Variants in DISC1 observed in about 807,000 individuals in gnomAD.
The protein encoded by DISC1 is DISC1 scaffold protein.
Under a neutral mutation model 84.5 loss-of-function variants are expected in DISC1, and 57 were observed. The ratio of observed to expected loss-of-function variants is 0.67; its 90% CI spans 0.55 to 0.84. The LOEUF is 0.84. Ranked by LOEUF, DISC1 falls within the 40% of genes least tolerant of loss-of-function variation. DISC1 has a pLI of 0.00. For missense variants in DISC1, 1,000 were observed against 1,057.8 expected, an observed-to-expected ratio of 0.95 and a Z score of 0.76; for synonymous variants, 411 against 415.2, an observed-to-expected ratio of 0.99 and a Z score of 0.12.
At chr1:231,899,235 C>T (rs994929453) in intron 9 of DISC1, among the ~76,000 whole-genome samples, 5 of 152,162 alleles carry the variant, frequency 3.3e-5, no homozygotes, top group South Asian at 2.1e-4. Flanking sequence ...TGATAGTATG[C>T]GTCAGAGTCA....
intron 11 of DISC1, among the ~76,000 whole-genome samples, chr1:232,016,040 T>C (rs1668465710): frequency 6.6e-6 from 1 of 152,096 alleles, no homozygotes; most frequent in African/African-American, 2.4e-5. Flanking sequence ...AACCATAGCA[T>C]CTCTATCTCT....
intron 10 of DISC1, among the ~76,000 whole-genome samples, chr1:232,007,973 T>G (rs998717500): frequency 6.6e-6 from 1 of 152,188 alleles, no homozygotes; most frequent in Non-Finnish European, 1.5e-5. Context: ...CCCTGCGTTC[T>G]GCACTTCTCC....
At chr1:231,755,582 A>G (rs549006101) in intron 4 of DISC1, among the ~76,000 whole-genome samples, 2 of 151,894 alleles carry the variant, frequency 1.3e-5, no homozygotes, top group East Asian at 1.9e-4. Flanking sequence ...TATCCTTAAC[A>G]TTACTATCTC....
intron 9 of DISC1, among the ~76,000 whole-genome samples, chr1:231,929,070 C>T (rs985866234): frequency 2.6e-5 from 4 of 152,042 alleles, no homozygotes; most frequent in Non-Finnish European, 4.4e-5. Context: ...ATGTCTATTG[C>T]GTCTGCTTGG....
intron 1 of DISC1, among the ~76,000 whole-genome samples, chr1:231,662,662 A>G (rs1317181426): frequency 1.3e-5 from 2 of 152,228 alleles, no homozygotes; most frequent in Non-Finnish European, 1.5e-5. Context: ...CTCCCTGGAA[A>G]CTCGGACCTA....
At chr1:231,798,922 G>C (rs2078979502) in intron 7 of DISC1, among the ~76,000 whole-genome samples, 1 of 152,078 alleles carries the variant, frequency 6.6e-6, no homozygotes, top group African/African-American at 2.4e-5. Flanking sequence ...ACTGATATAA[G>C]AAAACATTTA....
intron 9 of DISC1, among the ~76,000 whole-genome samples, chr1:231,933,640 A>T (rs1310336352): frequency 6.6e-6 from 1 of 152,162 alleles, no homozygotes; most frequent in Non-Finnish European, 1.5e-5. Context: ...CATATCTCTG[A>T]TTTTTAAAAG....
chr1:232,033,429 A>T (rs1040885745), intron 12 of DISC1, among the ~76,000 whole-genome samples: 1 of 152,092 alleles, frequency 6.6e-6, no homozygotes, highest in Non-Finnish European at 1.5e-5. Flanking sequence ...TTCCGCCCTT[A>T]TCCTCTTTAA....
chr1:231,941,431 G>A (rs200443551), intron 9 of DISC1, among the ~76,000 whole-genome samples: 4 of 151,504 alleles, frequency 2.6e-5, no homozygotes, highest in Admixed American at 6.6e-5. Context: ...TCCAACAAAC[G>A]TGTATGGAGA....
At chr1:231,987,850 G>A (rs574685333) in intron 10 of DISC1, among the ~76,000 whole-genome samples, 44 of 152,296 alleles carry the variant, frequency 2.9e-4, no homozygotes, top group African/African-American at 1.0e-3. Context: ...TTATATGAGT[G>A]CATGTGACTT....
At chr1:231,802,823 T>C (rs910841303) in intron 8 of DISC1, among the ~76,000 whole-genome samples, 4 of 152,170 alleles carry the variant, frequency 2.6e-5, no homozygotes, top group African/African-American at 9.6e-5. Flanking sequence ...GAGTGACTTT[T>C]TTGCCACTAC....
chr1:231,752,304 T>C (rs979636840), intron 4 of DISC1, among the ~76,000 whole-genome samples: 1 of 152,146 alleles, frequency 6.6e-6, no homozygotes, highest in Non-Finnish European at 1.5e-5. Flanking sequence ...CTGCTCAGCT[T>C]CTGGGGAGGC....
chr1:231,704,735 G>C (rs2066831998), intron 3 of DISC1, among the ~76,000 whole-genome samples: 2 of 145,634 alleles, frequency 1.4e-5, no homozygotes, highest in South Asian at 4.3e-4. Context: ...ACTCCAGCCT[G>C]GGCGACAGAG....
intron 6 of DISC1, among the ~76,000 whole-genome samples, chr1:231,782,571 T>C (rs2077507402): frequency 7.2e-5 from 11 of 152,190 alleles, no homozygotes; most frequent in Admixed American, 6.5e-4. Flanking sequence ...TGGCAAACTT[T>C]ACAGTTATGG....
intron 9 of DISC1, among the ~76,000 whole-genome samples, chr1:231,892,503 A>T (rs1371062218): frequency 1.3e-5 from 2 of 152,142 alleles, no homozygotes; most frequent in East Asian, 3.9e-4. Flanking sequence ...ATACAAGCTC[A>T]CTGGTTTCCT....
rs1312430396 is a variant in DISC1 at position 232,009,492 on chromosome 1, ATTAT to A, written c.2307+450_2307+453del. 5 of 667,578 alleles carry A rather than the reference ATTAT, an allele frequency of 7.5e-6. No individual in the cohort carries two copies. Among genetic ancestry groups the A allele is most frequent in the Middle Eastern group, 7.8e-4 (1 of 1,284 alleles). 41.4% of individuals were successfully genotyped at this position (667,578 alleles called of 1,614,324 possible). ...TAGAATCTATATATTACAATATATT[ATTAT>A]TTATTTGAATGAAACATTCAAATAT... is the stretch of plus-strand genomic sequence containing the variant. On this transcript the variant is annotated intron_variant, in intron 11 of 12. Coordinates refer to ENST00000439617, the MANE Select transcript of DISC1 (RefSeq NM_018662.3). The surrounding 1 kb of genome is among the most constrained non-coding windows in gnomAD (Gnocchi z 4.6).
intron 1 of DISC1, among the ~76,000 whole-genome samples, chr1:231,689,475 G>A (rs919617605): frequency 6.6e-6 from 1 of 152,000 alleles, no homozygotes; most frequent in African/African-American, 2.4e-5. Flanking sequence ...GGGATTACAG[G>A]TGTGCACCAC....
intron 9 of DISC1, among the ~76,000 whole-genome samples, chr1:231,950,957 AACTCTCTGAGGGTGGTG>A (rs1658263728): frequency 6.6e-6 from 1 of 152,222 alleles, no homozygotes; most frequent in Non-Finnish European, 1.5e-5. Context: ...AATGGGGCAG[AACTCTCTGAGGGTGGTG>A]ACTCACTGGG....
chr1:231,640,668 A>G (rs2059566235), intron 1 of DISC1, among the ~76,000 whole-genome samples: 1 of 151,904 alleles, frequency 6.6e-6, no homozygotes, highest in Non-Finnish European at 1.5e-5. Flanking sequence ...AGCTGGGACT[A>G]TAGGAGTGTG....
Sources: allele counts gnomAD v4.1 joint callset (sites outside exome capture counted in the v4.1 genomes callset), GRCh38; gene constraint gnomAD v4.1.1; non-coding constraint Gnocchi (gnomAD v3.1); transcripts MANE v1.5; gene names NCBI Gene and HGNC (gene_info 2026-07-23, HGNC 2026-07-21).